The following ICE1 variants were observed in gnomAD, a reference collection of about 807,000 sequenced individuals.
The protein encoded by ICE1 is little elongation complex subunit 1.
ICE1 carries 64 observed loss-of-function variants against 192.7 expected under a neutral mutation model. The observed-to-expected ratio is 0.33, with a 90% confidence interval of 0.27 to 0.41. The LOEUF (loss-of-function observed/expected upper bound fraction) is 0.41, where lower values mean the gene tolerates loss of function less well. Among genes scored for constraint, ICE1 ranks in the 10% least tolerant of loss-of-function variants. The pLI, the probability that ICE1 is intolerant of heterozygous loss-of-function variation, is 1.00. For missense variants in ICE1, 2,708 were observed against 2,696.0 expected, an observed-to-expected ratio of 1.00 and a Z score of -0.10; for synonymous variants, 1,010 against 984.5, an observed-to-expected ratio of 1.03 and a Z score of -0.49.
chr5:5,479,914 C>T (rs1739445508), intron 17 of ICE1, among the ~76,000 whole-genome samples: 2 of 151,994 alleles, frequency 1.3e-5, no homozygotes, highest in South Asian at 4.2e-4. Context: ...CACAGGGGAA[C>T]ATCACACACT....
chr5:5,423,229 C>G (rs1459614951), intron 1 of ICE1, among the ~76,000 whole-genome samples: 3 of 152,126 alleles, frequency 2.0e-5, no homozygotes, highest in African/African-American at 4.8e-5. Flanking sequence ...GACTGGAATG[C>G]GCTGGTGTAA....
At chr5:5,441,074 G>T (rs1191239639) in intron 4 of ICE1, 38 bp from the exon 5 acceptor site, 1 of 1,237,294 alleles carries the variant, frequency 8.1e-7, no homozygotes. Flanking sequence ...CTTCGTTATA[G>T]ATCCTTTTCT....
At chr5:5,444,181 T>G (rs567051040) in intron 6 of ICE1, 108 bp from the exon 7 acceptor site, 340 of 706,996 alleles carry the variant, frequency 4.8e-4, no homozygotes, top group Non-Finnish European at 5.7e-4. Flanking sequence ...GACTGAACAT[T>G]TGTTATACAA....
In ICE1 at chr5:5,462,041, A is replaced by G. The variant is rs1738807501; in HGVS notation, c.2707A>G (p.Lys903Glu). ...GNKTGMSTVA[K>E]CDGERDDTTQ... ...CAAAACCGGTATGTCAACTGTAGCAAAATGTGATGGGGAAAGAGATGATAC... is the reference window on the plus strand; with the variant it reads ...CAAAACCGGTATGTCAACTGTAGCAGAATGTGATGGGGAAAGAGATGATAC... Residue 903 changes from lysine (K) to glutamate (E), a missense_variant, in exon 13 of 19, where the codon AAA (lysine) becomes GAA (glutamate). Lys to Glu is a moderately conservative substitution (Grantham distance 56). This residue lies in a region of ICE1 where 2,366 missense variants were observed against 2,276.6 expected (regional missense o/e 1.04). Transcript: ENST00000296564. 6.2e-7 allele frequency: 1 copy of G among 1,614,006 alleles called. No individual in the cohort carries two copies. The highest frequency in any genetic ancestry group is 1.1e-5 in the South Asian group (1 of 91,088).
At chr5:5,471,724 A>G (rs1739161010) in intron 15 of ICE1, among the ~76,000 whole-genome samples, 1 of 152,180 alleles carries the variant, frequency 6.6e-6, no homozygotes, top group African/African-American at 2.4e-5. Flanking sequence ...ATATGATACT[A>G]CTAGTTAACA....
intron 17 of ICE1, among the ~76,000 whole-genome samples, chr5:5,480,282 C>G (rs776173768): frequency 5.0e-5 from 6 of 119,152 alleles, no homozygotes; most frequent in African/African-American, 2.8e-4. Flanking sequence ...TGGAGTCTGG[C>G]TCTGTTGCCC....
At chr5:5,475,903 A>T in intron 16 of ICE1, 70 bp from the exon 17 acceptor site, 1 of 944,552 alleles carries the variant, frequency 1.1e-6, no homozygotes, top group Non-Finnish European at 1.7e-6. Context: ...TTGCTTAAGG[A>T]TCATTTATAA....
rs1208172600 is a variant in ICE1, at chr5:5,465,125, C to T, written c.5791C>T (p.Pro1931Ser). 1 of 1,612,006 alleles carries T rather than the reference C, an allele frequency of 6.2e-7. No homozygotes were observed. The highest frequency in any genetic ancestry group is 8.5e-7 in the Non-Finnish European group (1 of 1,178,996). ...KIAEFSFDLL[P>S]VIRSHVYVGN... ...TGCAGAGTTTTCTTTTGATCTGTTA[C>T]CTGTCATTCGTAGTCATGTGTATGT... The change falls in exon 13 of 19, where the codon CCT (proline) becomes TCT (serine). Residue 1931 changes from proline to serine, a missense_variant. Transcript: ENST00000296564.
In ICE1 at chr5:5,461,823, G is replaced by A; in HGVS notation, c.2489G>A (p.Gly830Glu). 1 of 1,613,952 alleles carries A rather than the reference G, an allele frequency of 6.2e-7. No individual in the cohort carries two copies. Among genetic ancestry groups the A allele is most frequent in the East Asian group, 2.2e-5 (1 of 44,882 alleles). ...QKAMPFLQNR[G>E]PTPKPDLLRE... ...GCAATGCCATTCCTACAAAATAGAGGACCAACACCCAAGCCTGATCTTCTT... is the reference window on the plus strand; with the variant it reads ...GCAATGCCATTCCTACAAAATAGAGAACCAACACCCAAGCCTGATCTTCTT... Residue 830 changes from glycine to glutamate, a missense_variant, in exon 13 of 19, where the codon GGA (glycine) becomes GAA (glutamate). Around this residue, in one of 2 missense-constraint regions of ICE1, gnomAD observed 2,366 missense variants for 2,276.6 expected, o/e 1.04. Transcript: ENST00000296564.
chr5:5,465,326 GT>G, intron 13 of ICE1, 100 bp downstream of exon 13: 1 of 778,268 alleles, frequency 1.3e-6, no homozygotes, highest in Non-Finnish European at 2.0e-6. Flanking sequence ...ATGAACAAAA[GT>G]TTTACTTCAA....
rs1403694700 is a variant in ICE1, at chr5:5,463,212, A to G, written c.3878A>G (p.Asn1293Ser). Reference protein sequence around the residue: ...GSLLLLNVNNNMTTENLKEKS... With the variant: ...GSLLLLNVNNSMTTENLKEKS... The stretch of plus-strand genomic sequence containing the variant: ...TTATTGCTCTTAAATGTAAATAACA[A>G]CATGACCACTGAGAATTTAAAAGAG... The change falls in exon 13 of 19, where the codon AAC becomes AGC. Residue 1293 changes from asparagine (N) to serine (S), a missense_variant. This residue lies in a region of ICE1 where 2,366 missense variants were observed against 2,276.6 expected (regional missense o/e 1.04). Coordinates refer to ENST00000296564, the MANE Select transcript of ICE1 (RefSeq NM_015325.3). 29 of 1,611,504 alleles carry G rather than the reference A, an allele frequency of 1.8e-5. No homozygotes were observed. Among genetic ancestry groups the G allele is most frequent in the Non-Finnish European group, 2.4e-5 (28 of 1,179,100 alleles).
intron 17 of ICE1, among the ~76,000 whole-genome samples, chr5:5,486,179 G>A (rs1472571472): frequency 6.6e-6 from 1 of 152,184 alleles, no homozygotes. Flanking sequence ...TTGGCTTTTT[G>A]AGTGTGAGCA....
Position 5,489,965 on chromosome 5 carries a change from C to T in ICE1, c.*635C>T, listed in dbSNP as rs1431200448. The T allele has an allele frequency of 6.6e-6, 1 of 152,106 alleles. No individual in the cohort carries two copies. Among genetic ancestry groups the T allele is most frequent in the African/African-American group, 2.4e-5 (1 of 41,372 alleles). The allele number at this position is 152,106 out of a possible 1,614,324, so 9.4% of individuals were successfully genotyped here. The stretch of plus-strand genomic sequence containing the variant: ...AGAGGAGAACTGAAGAGTAGAAGTT[C>T]CCTTGCAGATTTTTTTATCAGTGAC... On this transcript the variant is annotated 3_prime_UTR_variant, in exon 19 of 19. Transcript: ENST00000296564.
intron 17 of ICE1, among the ~76,000 whole-genome samples, chr5:5,480,622 CA>C (rs1739478192): frequency 6.6e-6 from 1 of 152,254 alleles, no homozygotes; most frequent in Admixed American, 6.5e-5. Flanking sequence ...TTATATAAGT[CA>C]GTCTAAAAAT....
At chr5:5,459,282 A>G (rs1738683680) in intron 12 of ICE1, among the ~76,000 whole-genome samples, 2 of 152,200 alleles carry the variant, frequency 1.3e-5, no homozygotes. Flanking sequence ...ATTTGGTGAC[A>G]TTTTTAATGT....
chr5:5,460,969 A>C lies in ICE1; in HGVS notation c.1635A>C (p.Glu545Asp), dbSNP rs750805313. The C allele has an allele frequency of 4.3e-6, 7 of 1,614,046 alleles. No individual in the cohort carries two copies. The highest frequency in any genetic ancestry group is 2.2e-5 in the South Asian group (2 of 91,088). The stretch of plus-strand genomic sequence containing the variant: ...AAAGGCCATTAAATGAACTCATGGA[A>C]TCTGAAGGAAAAACCGTATTGTCTA... ...LGKRPLNELM[E>D]SEGKTVLSKM... Residue 545 changes from glutamate (E) to aspartate (D), a missense_variant, in exon 13 of 19, where the codon GAA becomes GAC. Physicochemically the swap from Glu to Asp is conservative, Grantham distance 45. Around this residue, in one of 2 missense-constraint regions of ICE1, gnomAD observed 2,366 missense variants for 2,276.6 expected, o/e 1.04. Coordinates refer to ENST00000296564, the MANE Select transcript of ICE1 (RefSeq NM_015325.3).
intron 1 of ICE1, among the ~76,000 whole-genome samples, chr5:5,425,546 C>T (rs1320552674): frequency 6.6e-6 from 1 of 152,160 alleles, no homozygotes; most frequent in Non-Finnish European, 1.5e-5. Flanking sequence ...AATTGGATTA[C>T]CTTTTTAGGG....
rs924487773 is a variant in ICE1, at chr5:5,489,504, A to G, written c.*174A>G. 8.8e-6 allele frequency: 5 copies of G among 566,536 alleles called. No individual in the cohort carries two copies. Among genetic ancestry groups the G allele is most frequent in the Admixed American group, 7.0e-5 (2 of 28,592 alleles). 35.1% of individuals were successfully genotyped at this position (566,536 alleles called of 1,614,324 possible). On this transcript the variant is annotated 3_prime_UTR_variant, in exon 19 of 19. Transcript: ENST00000296564. ...GGAGACAGGAGAAACAAGCAGTCGC[A>G]TAGTCGTTTTTCCCTAAATCTAATA...
At chr5:5,472,177 A>G (rs1389678322) in intron 15 of ICE1, among the ~76,000 whole-genome samples, 3 of 152,166 alleles carry the variant, frequency 2.0e-5, no homozygotes, top group Admixed American at 2.0e-4. Flanking sequence ...CTTAAGATGT[A>G]TTCTTCAAAA....
Sources: gnomAD v4.1 joint callset for allele counts (sites outside exome capture counted in the v4.1 genomes callset) on GRCh38, gnomAD v4.1.1 for gene constraint, gnomAD v4.1.1 regional missense constraint, MANE v1.5 for transcripts, NCBI Gene and HGNC (gene_info 2026-07-23, HGNC 2026-07-21) for gene names.